Variants in JAKMIP2 observed in about 807,000 individuals in gnomAD.
The protein encoded by JAKMIP2 is janus kinase and microtubule-interacting protein 2.
In JAKMIP2, 25 loss-of-function variants were observed where a neutral mutation model predicts 115.0. The ratio of observed to expected loss-of-function variants is 0.22; its 90% CI spans 0.16 to 0.30. The LOEUF (loss-of-function observed/expected upper bound fraction) is 0.30, where lower values mean the gene tolerates loss of function less well. Ranked by LOEUF, JAKMIP2 falls within the 10% of genes least tolerant of loss-of-function variation. JAKMIP2 has a pLI of 1.00. For missense variants in JAKMIP2, 642 were observed against 957.6 expected, an observed-to-expected ratio of 0.67 and a Z score of 4.35; for synonymous variants, 334 against 343.6, an observed-to-expected ratio of 0.97 and a Z score of 0.31.
At chr5:147,660,296 A>G (rs547474902) in intron 3 of JAKMIP2, among the ~76,000 whole-genome samples, 41 of 152,326 alleles carry the variant, frequency 2.7e-4, no homozygotes, top group Middle Eastern at 6.8e-3. Flanking sequence ...GGGCTGAGGT[A>G]AGTCTTGGAA....
intron 20 of JAKMIP2, among the ~76,000 whole-genome samples, chr5:147,609,274 C>A (rs967967391): frequency 1.3e-5 from 2 of 152,076 alleles, no homozygotes; most frequent in East Asian, 1.9e-4. Context: ...ATAGCGTTGA[C>A]GGTCTTTGCA....
At chr5:147,595,171 T>C (rs978093519) in intron 21 of JAKMIP2, among the ~76,000 whole-genome samples, 1 of 152,160 alleles carries the variant, frequency 6.6e-6, no homozygotes, top group Non-Finnish European at 1.5e-5. Flanking sequence ...AGAAAAATAA[T>C]GGGTGCTATT....
chr5:147,603,226 C>T (rs1755804030), intron 20 of JAKMIP2, among the ~76,000 whole-genome samples: 1 of 152,034 alleles, frequency 6.6e-6, no homozygotes, highest in African/African-American at 2.4e-5. Flanking sequence ...TAATTTTGGG[C>T]AAGTTGTTTA....
chr5:147,669,976 C>T (rs1180307223), intron 2 of JAKMIP2, among the ~76,000 whole-genome samples: 1 of 152,198 alleles, frequency 6.6e-6, no homozygotes, highest in East Asian at 1.9e-4. Context: ...GAAGCAGATT[C>T]AGTCATCTGA....
chr5:147,744,426 G>A (rs985895871), intron 1 of JAKMIP2, among the ~76,000 whole-genome samples: 9 of 152,048 alleles, frequency 5.9e-5, no homozygotes, highest in African/African-American at 2.2e-4. Flanking sequence ...ATTCTCCAAG[G>A]CCAAGTAAGG....
At chr5:147,694,789 C>G (rs2126869433) in intron 1 of JAKMIP2, among the ~76,000 whole-genome samples, 1 of 152,228 alleles carries the variant, frequency 6.6e-6, no homozygotes, top group East Asian at 1.9e-4. Flanking sequence ...AAAATAAAAA[C>G]AACTGTCAAA....
intron 8 of JAKMIP2, 111 bp from the exon 9 acceptor site, chr5:147,640,934 C>G: frequency 4.9e-6 from 4 of 810,080 alleles, no homozygotes; most frequent in Non-Finnish European, 7.6e-6. Context: ...GACATGGATC[C>G]TCTATGCTTC....
intron 10 of JAKMIP2, among the ~76,000 whole-genome samples, chr5:147,638,623 A>G (rs946330439): frequency 2.6e-5 from 4 of 151,990 alleles, no homozygotes; most frequent in South Asian, 2.1e-4. Flanking sequence ...CCACTGAACA[A>G]TAGTAGTTCT....
intron 1 of JAKMIP2, among the ~76,000 whole-genome samples, chr5:147,768,593 T>A (rs979946623): frequency 4.6e-5 from 7 of 152,044 alleles, no homozygotes; most frequent in Non-Finnish European, 8.8e-5. Context: ...GTCATGTGAG[T>A]TATTTTAACA....
At chr5:147,691,342 T>C (rs1751842237) in intron 1 of JAKMIP2, among the ~76,000 whole-genome samples, 1 of 152,176 alleles carries the variant, frequency 6.6e-6, no homozygotes, top group African/African-American at 2.4e-5. Flanking sequence ...CTATTAATAG[T>C]TTCCCCCCAT....
chr5:147,627,536 T>C (rs550989267), intron 16 of JAKMIP2, among the ~76,000 whole-genome samples: 185 of 152,166 alleles, frequency 1.2e-3, no homozygotes, highest in Non-Finnish European at 2.0e-3. Context: ...AGGCATTTGC[T>C]GGGGAGGGAT....
At chr5:147,768,446 C>T (rs1776870898) in intron 1 of JAKMIP2, among the ~76,000 whole-genome samples, 1 of 152,068 alleles carries the variant, frequency 6.6e-6, no homozygotes, top group Non-Finnish European at 1.5e-5. Context: ...TTTTTGCATT[C>T]AGCTTAAAAT....
intron 1 of JAKMIP2, among the ~76,000 whole-genome samples, chr5:147,689,166 G>C (rs1325243928): frequency 6.6e-6 from 1 of 152,138 alleles, no homozygotes; most frequent in Non-Finnish European, 1.5e-5. Context: ...CAAGTTCCAG[G>C]AACTTCAGGG....
At position 147,591,330 on chromosome 5, in the gene JAKMIP2, G is replaced by C; in HGVS notation, c.*377C>G. ...ATGACCCCCCTGCACAGCAGGGGTT[G>C]AATATTTCATTGTAACTTTGGTTCC... On this transcript the variant is annotated 3_prime_UTR_variant, in exon 22 of 22. Transcript: ENST00000616793. The C allele has an allele frequency of 3.7e-6, 1 of 271,776 alleles. No individual in the cohort carries two copies. The highest frequency in any genetic ancestry group is 6.8e-6 in the Non-Finnish European group (1 of 146,542). The allele number at this position is 271,776 out of a possible 1,614,324, so 16.8% of individuals were successfully genotyped here.
intron 1 of JAKMIP2, among the ~76,000 whole-genome samples, chr5:147,687,830 T>G (rs1391632651): frequency 1.3e-5 from 2 of 152,202 alleles, no homozygotes; most frequent in South Asian, 2.1e-4. Context: ...GTACATGTAT[T>G]AACTCATTAA....
At chr5:147,732,638 G>T (rs1404370469) in intron 1 of JAKMIP2, among the ~76,000 whole-genome samples, 1 of 152,104 alleles carries the variant, frequency 6.6e-6, no homozygotes, top group East Asian at 1.9e-4. Context: ...ACTGTATATT[G>T]AACATTTACT....
chr5:147,778,558 C>T (rs1755649337), intron 1 of JAKMIP2, among the ~76,000 whole-genome samples: 1 of 152,058 alleles, frequency 6.6e-6, no homozygotes, highest in Admixed American at 6.5e-5. Flanking sequence ...ACTCACCAAA[C>T]ACAAATTTGG....
chr5:147,755,696 T>G (rs1754720796), intron 1 of JAKMIP2, among the ~76,000 whole-genome samples: 1 of 152,078 alleles, frequency 6.6e-6, no homozygotes, highest in Non-Finnish European at 1.5e-5. Flanking sequence ...TAGGCTGGAG[T>G]GCAGTTGCTA....
chr5:147,612,265 A>T, intron 20 of JAKMIP2, 41 bp downstream of exon 20: 1 of 1,283,750 alleles, frequency 7.8e-7, no homozygotes, highest in Non-Finnish European at 1.1e-6. Flanking sequence ...TTGCTTTCTG[A>T]TTAAACAAAT....
Sources: allele counts gnomAD v4.1 joint callset (sites outside exome capture counted in the v4.1 genomes callset), GRCh38; gene constraint gnomAD v4.1.1; transcripts MANE v1.5; gene names NCBI Gene and HGNC (gene_info 2026-07-23, HGNC 2026-07-21).